KCTD2: variants seen among roughly 807,000 people sequenced by gnomAD.
The protein encoded by KCTD2 is BTB/POZ domain-containing protein KCTD2.
A neutral mutation model predicts 27.9 loss-of-function variants in KCTD2; 18 were observed. The ratio of observed to expected loss-of-function variants is 0.64; its 90% CI spans 0.45 to 0.96. The LOEUF (loss-of-function observed/expected upper bound fraction) is 0.96, where lower values mean the gene tolerates loss of function less well. Among genes scored for constraint, KCTD2 ranks in the 40% least tolerant of loss-of-function variants. The probability of loss-of-function intolerance (pLI) is 0.00; values close to 1 mark genes in which losing one functional copy is unlikely to be tolerated. For missense variants in KCTD2, 280 were observed against 348.0 expected, an observed-to-expected ratio of 0.80 and a Z score of 1.56; for synonymous variants, 175 against 148.4, an observed-to-expected ratio of 1.18 and a Z score of -1.30.
intron 3 of KCTD2, among the ~76,000 whole-genome samples, chr17:75,058,516 A>G (rs28797168): frequency 0.046 from 6,859 of 148,894 alleles, 516 homozygotes; most frequent in African/African-American, 0.16. Flanking sequence ...AAATAATAAT[A>G]AGGCTGGGTG....
chr17:75,055,827 C>G (rs1248193159), intron 3 of KCTD2, among the ~76,000 whole-genome samples: 1 of 143,676 alleles, frequency 7.0e-6, no homozygotes, highest in Non-Finnish European at 1.5e-5. Context: ...AGCGAAACTC[C>G]CATCTAAAAA....
At chr17:75,054,200 G>T (rs536685966) in intron 3 of KCTD2, among the ~76,000 whole-genome samples, 1 of 151,088 alleles carries the variant, frequency 6.6e-6, no homozygotes, top group Non-Finnish European at 1.5e-5. Flanking sequence ...TGTATTTTGG[G>T]TAGAAACGAG....
chr17:75,040,195 G>A (rs772094660), intron 3 of KCTD2: 11 of 1,611,322 alleles, frequency 6.8e-6, no homozygotes, highest in African/African-American at 5.4e-5. Context: ...AACCTTCAGC[G>A]CATTAAACTA....
Position 75,063,455 on chromosome 17 carries a change from A to G in KCTD2, c.*408A>G, listed in dbSNP as rs2073424853. 4.5e-6 allele frequency: 1 copy of G among 221,580 alleles called. No homozygotes were observed. The highest frequency in any genetic ancestry group is 8.4e-5 in the South Asian group (1 of 11,960). The allele number at this position is 221,580 out of a possible 1,614,324, so 13.7% of individuals were successfully genotyped here. On this transcript the variant is annotated 3_prime_UTR_variant, in exon 6 of 6. Coordinates refer to ENST00000322444, the MANE Select transcript of KCTD2 (RefSeq NM_015353.3). ...CCGTGCCGTGCCATGGTTTCACCCT[A>G]TGTGTGCCACAATGGACGTTAGCAG... is the stretch of plus-strand genomic sequence containing the variant.
At position 75,062,154 on chromosome 17, in the gene KCTD2, A is replaced by G. The variant is rs61750318; in HGVS notation, c.671A>G (p.Asn224Ser). ...ISIGSSYNYG[N>S]EDQAEFLCVV... ...ATCGGATCTTCCTATAACTACGGCA[A>G]TGAGGATCAGGCAGAATTCCTCTGT... The change falls in exon 5 of 6, where the codon AAT becomes AGT. Residue 224 changes from asparagine to serine, a missense_variant. Coordinates refer to ENST00000322444, the MANE Select transcript of KCTD2 (RefSeq NM_015353.3). 667 of 1,614,080 alleles carry G rather than the reference A, an allele frequency of 4.1e-4. 2 individuals carry two copies. The highest frequency in any genetic ancestry group is 8.2e-4 in the Middle Eastern group (5 of 6,062).
intron 3 of KCTD2, among the ~76,000 whole-genome samples, chr17:75,058,912 A>G (rs1204005308): frequency 6.6e-6 from 1 of 152,036 alleles, no homozygotes; most frequent in African/African-American, 2.4e-5. Context: ...CCTGGCTAAC[A>G]CAGTGAAACC....
At chr17:75,042,546 A>G, upstream of KCTD2, 2 of 1,612,284 alleles carry the variant, frequency 1.2e-6, no homozygotes, top group Non-Finnish European at 1.7e-6. Flanking sequence ...TGAGGGTCTC[A>G]TTCCAGGATT....
chr17:75,055,093 C>T (rs1451770727), intron 3 of KCTD2, among the ~76,000 whole-genome samples: 3 of 151,918 alleles, frequency 2.0e-5, no homozygotes, highest in Admixed American at 6.6e-5. Flanking sequence ...TTTCCTCTGT[C>T]ACCCAGGCAG....
chr17:75,042,608 C>T, upstream of KCTD2: 2 of 1,612,918 alleles, frequency 1.2e-6, no homozygotes, highest in Non-Finnish European at 1.7e-6. Context: ...TCTGCAAAAG[C>T]TACCCAGTCA....
chr17:75,048,890 C>G (rs1029164930), intron 1 of KCTD2: 1 of 187,962 alleles, frequency 5.3e-6, no homozygotes, highest in African/African-American at 2.3e-5. Flanking sequence ...TTCTTAATAA[C>G]AAACACGCTA....
upstream of KCTD2, chr17:75,032,611 T>G (rs2040076534): frequency 6.5e-6 from 1 of 152,996 alleles, no homozygotes; most frequent in South Asian, 2.1e-4. The surrounding 1 kb of genome is among the most constrained non-coding windows in gnomAD (Gnocchi z 4.8). Flanking sequence ...TGCCCAGTGG[T>G]GATGCCCAGG....
At chr17:75,033,448 G>A (rs1048574119) in intron 1 of KCTD2, among the ~76,000 whole-genome samples, 2 of 151,914 alleles carry the variant, frequency 1.3e-5, no homozygotes, top group African/African-American at 4.8e-5. Context: ...GTTCCCCCTG[G>A]TTGTACATTC....
chr17:75,047,443 G>A lies in KCTD2; in HGVS notation c.193G>A (p.Ala65Thr), dbSNP rs1273910759. The A allele has an allele frequency of 2.6e-6, 4 of 1,515,124 alleles. No individual in the cohort carries two copies. The highest frequency in any genetic ancestry group is 1.2e-5 in the South Asian group (1 of 83,254). The allele number at this position is 1,515,124 out of a possible 1,614,324, so 93.9% of individuals were successfully genotyped here. ...GCCGGGTCCCGGACCACCCGAGCGG[G>A]CAGGGGGCGGCGGCGCGGCCCGCTG... ...LEPGPGPPER[A>T]GGGGAARWVR... The change falls in exon 1 of 6, where the codon GCA (alanine) becomes ACA (threonine). Residue 65 changes from alanine (A) to threonine (T), a missense_variant. Coordinates refer to ENST00000322444, the MANE Select transcript of KCTD2 (RefSeq NM_015353.3).
At chr17:75,062,894 C>T in intron 5 of KCTD2, 124 bp from the exon 6 acceptor site, 1 of 995,272 alleles carries the variant, frequency 1.0e-6, no homozygotes, top group South Asian at 1.4e-5. Context: ...TGCGGCTGCA[C>T]CCCTGCTTGC....
chr17:75,056,305 A>G lies in KCTD2; in HGVS notation c.540+3200A>G, dbSNP rs759145164. Reference sequence around the variant, plus strand: ...ATCTTACCTTTACGTGGTATCTTTCACTATTGTAGATATTTAATAGTTTAG... The same window carrying G: ...ATCTTACCTTTACGTGGTATCTTTCGCTATTGTAGATATTTAATAGTTTAG... On this transcript the variant is annotated intron_variant, in intron 3 of 5. Transcript: ENST00000322444. Among the ~76,000 whole-genome samples the G allele has an allele frequency of 4.1e-4, 63 of 152,172 alleles. 1 individual carries two copies. The highest frequency in any genetic ancestry group is 7.3e-5 in the Non-Finnish European group (5 of 68,038).
At position 75,065,179 on chromosome 17, in the gene KCTD2, A is replaced by G. The variant is rs532416443; in HGVS notation, c.*2132A>G. ...CAAGGCACAGGCACGTGCTCTGGGA[A>G]ATAGACAGGAGTGGTATTTCCGCCC... On this transcript the variant is annotated 3_prime_UTR_variant, in exon 6 of 6. Transcript: ENST00000322444. 1 of 152,184 alleles carries G rather than the reference A, an allele frequency of 6.6e-6. No individual in the cohort carries two copies. Among genetic ancestry groups the G allele is most frequent in the East Asian group, 1.9e-4 (1 of 5,174 alleles). The allele number at this position is 152,184 out of a possible 1,614,324, so 9.4% of individuals were successfully genotyped here.
chr17:75,049,269 C>A lies in KCTD2; in HGVS notation c.389C>A (p.Pro130His), dbSNP rs1415221911. Residue 130 changes from proline to histidine, a missense_variant, in exon 2 of 6, where the codon CCT (proline) becomes CAT (histidine). Pro to His is a moderately conservative substitution (Grantham distance 77, BLOSUM62 -2). Coordinates refer to ENST00000322444, the MANE Select transcript of KCTD2 (RefSeq NM_015353.3). ...LIDRDPTYFG[P>H]ILNYLRHGKL... ...GACAGGGACCCCACCTACTTTGGTC[C>A]TATCCTCAACTACCTCCGCCACGGG... The A allele has an allele frequency of 6.2e-7, 1 of 1,613,950 alleles. No homozygotes were observed. The highest frequency in any genetic ancestry group is 8.5e-7 in the Non-Finnish European group (1 of 1,179,834).
At chr17:75,044,567 C>G (rs557876643), upstream of KCTD2, among the ~76,000 whole-genome samples, 5 of 151,502 alleles carry the variant, frequency 3.3e-5, no homozygotes, top group South Asian at 4.2e-4. Flanking sequence ...GGCTGAAACT[C>G]CAGACCTCAG....
chr17:75,054,898 A>G (rs951858979), intron 3 of KCTD2, among the ~76,000 whole-genome samples: 1 of 152,024 alleles, frequency 6.6e-6, no homozygotes, highest in African/African-American at 2.4e-5. Context: ...CTGCAACTAC[A>G]GAGTTAACAG....
Sources: gnomAD v4.1 joint callset for allele counts (sites outside exome capture counted in the v4.1 genomes callset) on GRCh38, gnomAD v4.1.1 for gene constraint, Gnocchi (gnomAD v3.1) non-coding constraint, MANE v1.5 for transcripts, NCBI Gene and HGNC (gene_info 2026-07-23, HGNC 2026-07-21) for gene names.